Variants in PPM1E observed in about 807,000 individuals in gnomAD.
The protein encoded by PPM1E is protein phosphatase 1E.
A neutral mutation model predicts 65.9 loss-of-function variants in PPM1E; 20 were observed. That is an observed-to-expected ratio of 0.30 (90% CI 0.21 to 0.44). The LOEUF (loss-of-function observed/expected upper bound fraction) is 0.44. Ranked by LOEUF, PPM1E falls within the 20% of genes least tolerant of loss-of-function variation. PPM1E has a pLI of 1.00. For missense variants in PPM1E, 713 were observed against 953.1 expected (o/e 0.75, Z 3.32); for synonymous variants, 352 against 374.9 (o/e 0.94, Z 0.70).
intron 4 of PPM1E, among the ~76,000 whole-genome samples, chr17:58,971,714 A>AT (rs1027795090): frequency 1.9e-4 from 29 of 152,290 alleles, no homozygotes; most frequent in South Asian, 8.3e-4. Flanking sequence ...AACAAATACG[A>AT]TGTCAGTAAT....
At chr17:58,922,056 G>GA (rs548601181) in intron 1 of PPM1E, among the ~76,000 whole-genome samples, 4 of 142,966 alleles carry the variant, frequency 2.8e-5, no homozygotes, top group Admixed American at 1.4e-4. Flanking sequence ...AAAAAAAAAA[G>GA]AAAAAAAAAA....
intron 1 of PPM1E, chr17:58,836,047 G>T (rs1280818793): frequency 6.6e-6 from 1 of 152,072 alleles, no homozygotes; most frequent in East Asian, 1.9e-4. Flanking sequence ...ATTGCCTAAG[G>T]TTACAAAATT....
At chr17:58,960,499 G>C (rs1310081108) in intron 2 of PPM1E, among the ~76,000 whole-genome samples, 1 of 152,176 alleles carries the variant, frequency 6.6e-6, no homozygotes, top group Non-Finnish European at 1.5e-5. Flanking sequence ...GTTCTGGCCA[G>C]CACGGTGGCT....
intron 1 of PPM1E, among the ~76,000 whole-genome samples, chr17:58,848,180 C>T (rs1156998314): frequency 6.6e-6 from 1 of 152,114 alleles, no homozygotes; most frequent in African/African-American, 2.4e-5. Context: ...GGGGCTGAGA[C>T]GGTGGGGTTT....
intron 1 of PPM1E, among the ~76,000 whole-genome samples, chr17:58,877,241 C>T (rs2051138264): frequency 6.6e-6 from 1 of 152,144 alleles, no homozygotes; most frequent in Non-Finnish European, 1.5e-5. Context: ...CTTGGTACCT[C>T]ATTAGGTAAA....
chr17:58,824,640 G>T (rs2050514099), intron 1 of PPM1E, among the ~76,000 whole-genome samples: 1 of 151,198 alleles, frequency 6.6e-6, no homozygotes, highest in Non-Finnish European at 1.5e-5. Context: ...CCAGGCTGGA[G>T]TGCAGTGGCG....
rs555822492 is a variant in PPM1E at position 58,834,899 on chromosome 17, G to T, written c.464+78438G>T. Among the ~76,000 whole-genome samples the T allele has an allele frequency of 3.2e-4, 49 of 151,918 alleles. 1 individual carries two copies. In the South Asian group the frequency reaches 0.01, roughly 32 times the overall value. ...CCTTTCCATATAAATTTTAGAATCA[G>T]CTTGTTCATGTATAAAAATCTGTTA... is the stretch of plus-strand genomic sequence containing the variant. On this transcript the variant is annotated intron_variant, in intron 1 of 6. Coordinates refer to ENST00000308249, the MANE Select transcript of PPM1E (RefSeq NM_014906.5).
At chr17:58,944,234 T>A (rs1470142285) in intron 1 of PPM1E, among the ~76,000 whole-genome samples, 4 of 152,204 alleles carry the variant, frequency 2.6e-5, no homozygotes, top group African/African-American at 2.4e-5. Context: ...GTAGTTTTTT[T>A]ATTATCTTTA....
At chr17:58,914,312 C>T (rs575965911) in intron 1 of PPM1E, among the ~76,000 whole-genome samples, 8 of 152,250 alleles carry the variant, frequency 5.3e-5, no homozygotes, top group African/African-American at 1.9e-4. Context: ...ATCAGCTTTT[C>T]CACTAATGTC....
chr17:58,943,388 G>T (rs952663314), intron 1 of PPM1E, among the ~76,000 whole-genome samples: 4 of 152,114 alleles, frequency 2.6e-5, no homozygotes, highest in African/African-American at 9.7e-5. Context: ...GACACTTGAT[G>T]AACTAAATGG....
chr17:58,852,228 C>T (rs1050489528), intron 1 of PPM1E, among the ~76,000 whole-genome samples: 20 of 152,130 alleles, frequency 1.3e-4, no homozygotes, highest in Non-Finnish European at 7.4e-5. Context: ...TTGCGCTTCC[C>T]GGGTGAAGCA....
Position 58,779,884 on chromosome 17 carries a change from T to A in PPM1E, c.464+23423T>A, listed in dbSNP as rs1294469643. Among the ~76,000 whole-genome samples, 6 of 152,328 alleles carry A rather than the reference T, an allele frequency of 3.9e-5. No homozygotes were observed. In the East Asian group the frequency reaches 1.2e-3, roughly 29 times the overall value. On this transcript the variant is annotated intron_variant, in intron 1 of 6. Transcript: ENST00000308249. ...ACTACAACTTTAAATTTTTTAAAAGTGTATCATGGCTGTCTTTTCAGATCA... is the reference window on the plus strand; with the variant it reads ...ACTACAACTTTAAATTTTTTAAAAGAGTATCATGGCTGTCTTTTCAGATCA...
intron 1 of PPM1E, among the ~76,000 whole-genome samples, chr17:58,950,970 G>A (rs1379563790): frequency 6.6e-6 from 1 of 151,852 alleles, no homozygotes; most frequent in East Asian, 1.9e-4. Flanking sequence ...AGTAGAGACG[G>A]GGTTTCACTG....
intron 1 of PPM1E, among the ~76,000 whole-genome samples, chr17:58,911,340 T>C (rs987952976): frequency 6.6e-6 from 1 of 152,136 alleles, no homozygotes; most frequent in Non-Finnish European, 1.5e-5. Flanking sequence ...TTAAAATAAT[T>C]CTCTTCAAAT....
intron 1 of PPM1E, among the ~76,000 whole-genome samples, chr17:58,935,650 T>C (rs1466781279): frequency 1.3e-5 from 2 of 152,204 alleles, no homozygotes; most frequent in Non-Finnish European, 2.9e-5. Flanking sequence ...TGTGATCTTA[T>C]AGCAGTAGTC....
At chr17:58,869,328 T>A (rs1454914522) in intron 1 of PPM1E, among the ~76,000 whole-genome samples, 1 of 152,234 alleles carries the variant, frequency 6.6e-6, no homozygotes, top group Non-Finnish European at 1.5e-5. Flanking sequence ...CCGAATTTCA[T>A]GTTGAAATTT....
chr17:58,895,140 G>T (rs905069799), intron 1 of PPM1E, among the ~76,000 whole-genome samples: 2 of 151,996 alleles, frequency 1.3e-5, no homozygotes, highest in Admixed American at 6.6e-5. Context: ...TGTAATTTTG[G>T]GGGGTGGCAC....
chr17:58,931,709 C>T (rs2051901972), intron 1 of PPM1E, among the ~76,000 whole-genome samples: 1 of 152,126 alleles, frequency 6.6e-6, no homozygotes, highest in African/African-American at 2.4e-5. Flanking sequence ...TATCTATAGT[C>T]CTCAAGAAAA....
chr17:58,952,917 G>T (rs2052259778), intron 1 of PPM1E, among the ~76,000 whole-genome samples: 1 of 151,990 alleles, frequency 6.6e-6, no homozygotes, highest in African/African-American at 2.4e-5. Context: ...CTTGTGATCT[G>T]CCCACCTCAG....
Sources: allele counts gnomAD v4.1 joint callset (sites outside exome capture counted in the v4.1 genomes callset), GRCh38; gene constraint gnomAD v4.1.1; transcripts MANE v1.5; gene names NCBI Gene and HGNC (gene_info 2026-07-23, HGNC 2026-07-21).